CPSF2: variants seen among roughly 807,000 people sequenced by gnomAD.
The protein encoded by CPSF2 is cleavage and polyadenylation specific factor 2, also known as cleavage and polyadenylation specificity factor subunit 2.
CPSF2 carries 51 observed loss-of-function variants against 84.2 expected under a neutral mutation model. The ratio of observed to expected loss-of-function variants is 0.61; its 90% CI spans 0.48 to 0.77. The LOEUF (loss-of-function observed/expected upper bound fraction) is 0.77, where lower values mean the gene tolerates loss of function less well. CPSF2 is among the 30% of genes least tolerant of loss of function. The pLI, the probability that CPSF2 is intolerant of heterozygous loss-of-function variation, is 0.00. For synonymous variants in CPSF2, 286 were observed against 311.9 expected (o/e 0.92, Z 0.87); for missense variants, 641 against 929.4 (o/e 0.69, Z 4.03).
intron 15 of CPSF2, among the ~76,000 whole-genome samples, 161 bp downstream of exon 15, chr14:92,161,407 A>G (rs139379587): frequency 1.3e-5 from 2 of 152,320 alleles, no homozygotes; most frequent in East Asian, 3.8e-4. Flanking sequence ...TATTGACTTG[A>G]AGGCTTATGA....
Position 92,169,519 on chromosome 14 carries a change from C to CATGGTGATGGT in CPSF2, c.*7777_*7778insGGTGATGGTAT, listed in dbSNP as rs2069492231. The CATGGTGATGGT allele has an allele frequency of 6.6e-6, 1 of 151,966 alleles. No individual in the cohort carries two copies. The highest frequency in any genetic ancestry group is 6.6e-5 in the Admixed American group (1 of 15,244). 9.4% of individuals were successfully genotyped at this position (151,966 alleles called of 1,614,324 possible). On this transcript the variant is annotated 3_prime_UTR_variant, in exon 16 of 16. Transcript: ENST00000298875. Reference sequence around the variant, plus strand: ...GGTTACTATAATTTCCAACTTCACCCATAGGTCATGGTATAGTTGAAATTT... The same window carrying CATGGTGATGGT: ...GGTTACTATAATTTCCAACTTCACCCATGGTGATGGTATAGGTCATGGTATAGTTGAAATTT...
intron 11 of CPSF2, among the ~76,000 whole-genome samples, chr14:92,155,867 AGATAGCATGAGT>A (rs1279446389): frequency 2.6e-5 from 4 of 152,162 alleles, no homozygotes; most frequent in African/African-American, 9.7e-5. Context: ...GAGGAATGTG[AGATAGCATGAGT>A]GAAATCATGG....
At position 92,168,119 on chromosome 14, in the gene CPSF2, G is replaced by T. The variant is rs941122219; in HGVS notation, c.*6375G>T. 1.3e-5 allele frequency: 2 copies of T among 151,696 alleles called. No individual in the cohort carries two copies. Among genetic ancestry groups the T allele is most frequent in the African/African-American group, 2.4e-5 (1 of 41,246 alleles). 9.4% of individuals were successfully genotyped at this position (151,696 alleles called of 1,614,324 possible). On this transcript the variant is annotated 3_prime_UTR_variant, in exon 16 of 16. Transcript: ENST00000298875. Reference sequence around the variant, plus strand: ...AAAAATTAGTCAGGTGTGGTGACGGGTGCCTATAATCCCAGCTACTTGGGA... The same window carrying T: ...AAAAATTAGTCAGGTGTGGTGACGGTTGCCTATAATCCCAGCTACTTGGGA...
chr14:92,131,637 G>A (rs959224357), intron 3 of CPSF2, among the ~76,000 whole-genome samples: 12 of 152,072 alleles, frequency 7.9e-5, no homozygotes, highest in Admixed American at 5.9e-4. Context: ...TCAGGAGTTC[G>A]AGACCAGCCT....
In CPSF2 at chr14:92,165,045, T is replaced by C. The variant is rs1404251712; in HGVS notation, c.*3301T>C. 1 of 152,174 alleles carries C rather than the reference T, an allele frequency of 6.6e-6. No homozygotes were observed. The highest frequency in any genetic ancestry group is 1.5e-5 in the Non-Finnish European group (1 of 68,016). 9.4% of individuals were successfully genotyped at this position (152,174 alleles called of 1,614,324 possible). A position where few individuals can be genotyped will look rare whatever the true frequency, so the allele number is the denominator to read the frequency against. ...TAATACAATATATGAACTTTTATGT[T>C]TGACTTCTTTCACTTAGCATAATGT... On this transcript the variant is annotated 3_prime_UTR_variant, in exon 16 of 16. Transcript: ENST00000298875.
At chr14:92,161,336 A>G in intron 15 of CPSF2, 90 bp downstream of exon 15, 2 of 1,421,486 alleles carry the variant, frequency 1.4e-6, no homozygotes, top group South Asian at 2.9e-5. Context: ...TGGTATTTTC[A>G]CAAAACTGAA....
intron 6 of CPSF2, among the ~76,000 whole-genome samples, chr14:92,137,954 A>C (rs1459723467): frequency 1.3e-5 from 2 of 152,228 alleles, no homozygotes; most frequent in Non-Finnish European, 2.9e-5. Flanking sequence ...AGAAAAATAA[A>C]AAAAATACAT....
At chr14:92,134,454 G>T (rs2295726) in intron 5 of CPSF2, 99 bp downstream of exon 5, 151,211 of 767,172 alleles carry the variant, frequency 0.2, 18,032 homozygotes, top group East Asian at 0.51. Context: ...GGCATTATAG[G>T]CTGAAGAATA....
chr14:92,149,062 C>T (rs985603614), intron 9 of CPSF2, among the ~76,000 whole-genome samples: 2 of 152,064 alleles, frequency 1.3e-5, no homozygotes, highest in African/African-American at 4.8e-5. Flanking sequence ...TTGAGGACGC[C>T]TGGGAGTCCC....
At chr14:92,135,233 A>C in intron 5 of CPSF2, 134 bp from the exon 6 acceptor site, 1 of 694,532 alleles carries the variant, frequency 1.4e-6, no homozygotes, top group Non-Finnish European at 2.2e-6. Context: ...TGCTTTCACT[A>C]TATGCATTTT....
chr14:92,141,223 A>T (rs1441419986), intron 7 of CPSF2, among the ~76,000 whole-genome samples: 2 of 151,190 alleles, frequency 1.3e-5, no homozygotes, highest in Non-Finnish European at 2.9e-5. Flanking sequence ...AAATATAAGT[A>T]AAAAAAAACA....
Position 92,156,645 on chromosome 14 carries a change from T to C in CPSF2, c.1595+14T>C. On this transcript the variant is annotated intron_variant, in intron 12 of 15. Transcript: ENST00000298875. ...TATTGAAATAAAGTAAGTGCTTTTG[T>C]GACATTTTGAAAATAGATTATAAGA... is the stretch of plus-strand genomic sequence containing the variant. 6.7e-7 allele frequency: 1 copy of C among 1,497,988 alleles called. No homozygotes were observed. Among genetic ancestry groups the C allele is most frequent in the East Asian group, 2.3e-5 (1 of 43,152 alleles). 92.8% of individuals were successfully genotyped at this position (1,497,988 alleles called of 1,614,324 possible).
chr14:92,160,910 TTGTTAAATAA>T (rs765931033), intron 14 of CPSF2, among the ~76,000 whole-genome samples, 192 bp from the exon 15 acceptor site: 11 of 152,198 alleles, frequency 7.2e-5, no homozygotes, highest in Non-Finnish European at 1.3e-4. Flanking sequence ...GTGAAGGGCT[TTGTTAAATAA>T]TGTTAAATAA....
At chr14:92,152,224 G>A (rs1469303981) in intron 9 of CPSF2, among the ~76,000 whole-genome samples, 3 of 152,014 alleles carry the variant, frequency 2.0e-5, no homozygotes, top group Non-Finnish European at 4.4e-5. Context: ...CCGCCTCCCA[G>A]GTTCAAGTGA....
intron 9 of CPSF2, among the ~76,000 whole-genome samples, chr14:92,146,375 G>A (rs1267166060): frequency 6.6e-6 from 1 of 152,126 alleles, no homozygotes; most frequent in Non-Finnish European, 1.5e-5. Context: ...CAAAAAATTA[G>A]CCTGGCGTGG....
At chr14:92,155,080 C>A in intron 10 of CPSF2, 43 bp from the exon 11 acceptor site, 2 of 1,260,544 alleles carry the variant, frequency 1.6e-6, no homozygotes, top group Non-Finnish European at 1.1e-6. Context: ...TTTAAAATAT[C>A]TTTGAAACTT....
chr14:92,142,902 AG>A, intron 8 of CPSF2, 101 bp from the exon 9 acceptor site: 1 of 1,001,720 alleles, frequency 1.0e-6, no homozygotes. Context: ...TTAAGCAACC[AG>A]TGGGGGTAAA....
In CPSF2 at chr14:92,147,356, G is replaced by A. The variant is rs575443983; in HGVS notation, c.1140+4062G>A. Among the ~76,000 whole-genome samples, 24 of 152,304 alleles carry A rather than the reference G, an allele frequency of 1.6e-4. No individual in the cohort carries two copies. In the East Asian group the frequency reaches 4.2e-3, roughly 27 times the overall value. On this transcript the variant is annotated intron_variant, in intron 9 of 15. Transcript: ENST00000298875. ...GAAAAAGCAAAAATGAACAACGAAGGATTAATAGGTTGGAGTAGATTTGGA... is the reference window on the plus strand; with the variant it reads ...GAAAAAGCAAAAATGAACAACGAAGAATTAATAGGTTGGAGTAGATTTGGA...
rs763212353 is a variant in CPSF2, at chr14:92,131,072, T to C, written c.88T>C (p.Phe30Leu). 12 of 1,613,152 alleles carry C rather than the reference T, an allele frequency of 7.4e-6. No homozygotes were observed. The highest frequency in any genetic ancestry group is 1.3e-5 in the African/African-American group (1 of 74,912). Residue 30 changes from phenylalanine (F) to leucine (L), a missense_variant, in exon 3 of 16, where the codon TTT becomes CTT. Around this residue, in one of 2 missense-constraint regions of CPSF2, gnomAD observed 211 missense variants for 375.7 expected, o/e 0.56. Transcript: ENST00000298875. ...CYLLQVDEFR[F>L]LLDCGWDEHF... ...TCTTCTCCAAGTTGATGAGTTTAGA[T>C]TTTTATTGGACTGTGGCTGGGATGA...
Sources: gnomAD v4.1 joint callset for allele counts (sites outside exome capture counted in the v4.1 genomes callset) on GRCh38, gnomAD v4.1.1 for gene constraint, gnomAD v4.1.1 regional missense constraint, MANE v1.5 for transcripts, NCBI Gene and HGNC (gene_info 2026-07-23, HGNC 2026-07-21) for gene names.